The following PLXDC1 variants were observed in gnomAD, a reference collection of about 807,000 sequenced individuals.
PLXDC1 encodes the protein plexin domain-containing protein 1.
In PLXDC1, 39 loss-of-function variants were observed where a neutral mutation model predicts 61.3. The ratio of observed to expected loss-of-function variants is 0.64; its 90% CI spans 0.49 to 0.83. The LOEUF (loss-of-function observed/expected upper bound fraction) is 0.83. PLXDC1 is among the 40% of genes least tolerant of loss of function. PLXDC1 has a pLI of 0.00. For missense variants in PLXDC1, 596 were observed against 666.5 expected (o/e 0.89, Z 1.17); for synonymous variants, 212 against 254.5 (o/e 0.83, Z 1.59).
At chr17:39,087,420 G>A (rs550256094) in intron 8 of PLXDC1, among the ~76,000 whole-genome samples, 187 bp downstream of exon 8, 48 of 152,302 alleles carry the variant, frequency 3.2e-4, no homozygotes, top group African/African-American at 1.1e-3. Context: ...CTCCACCTAG[G>A]TGGTTCTCAC....
intron 13 of PLXDC1, among the ~76,000 whole-genome samples, chr17:39,068,643 C>G (rs1052103862): frequency 6.6e-6 from 1 of 152,212 alleles, no homozygotes; most frequent in Admixed American, 6.5e-5. Context: ...TGCCACTGTA[C>G]TCCAGCCTAG....
At chr17:39,101,738 G>GTCT (rs1910427008) in intron 7 of PLXDC1, among the ~76,000 whole-genome samples, 1 of 152,156 alleles carries the variant, frequency 6.6e-6, no homozygotes, top group African/African-American at 2.4e-5. Flanking sequence ...GTCCCAAGTA[G>GTCT]AAGCAGCAAA....
chr17:39,131,376 C>G (rs1911557358), intron 2 of PLXDC1, among the ~76,000 whole-genome samples: 1 of 150,378 alleles, frequency 6.6e-6, no homozygotes, highest in African/African-American at 2.5e-5. Flanking sequence ...TTTTAGGCGA[C>G]AGAATCTCGC....
intron 2 of PLXDC1, among the ~76,000 whole-genome samples, chr17:39,111,577 G>A (rs867531489): frequency 9.2e-5 from 14 of 152,254 alleles, no homozygotes; most frequent in African/African-American, 2.9e-4. Flanking sequence ...GAGCCACTGC[G>A]CCTAGCCAAA....
At position 39,069,725 on chromosome 17, in the gene PLXDC1, G is replaced by A. The variant is rs930511823; in HGVS notation, c.1383+131C>T. 4 of 700,188 alleles carry A rather than the reference G, an allele frequency of 5.7e-6. No individual in the cohort carries two copies. The Admixed American group carries it at 9.8e-5, about 17-fold the overall frequency. The allele number at this position is 700,188 out of a possible 1,614,324, so 43.4% of individuals were successfully genotyped here. ...GCGCCAGCCATCTCGAAATGTGCCAGGATGGGGTGGATGAAGTTTTCTCAG... is the reference window on the plus strand; with the variant it reads ...GCGCCAGCCATCTCGAAATGTGCCAAGATGGGGTGGATGAAGTTTTCTCAG... On this transcript the variant is annotated intron_variant, in intron 13 of 13. Transcript: ENST00000315392.
intron 2 of PLXDC1, chr17:39,131,611 C>T (rs1474631956): frequency 6.5e-6 from 1 of 152,744 alleles, no homozygotes; most frequent in African/African-American, 2.4e-5. Context: ...CCTTGGCCTC[C>T]CAAAGTGCTG....
At chr17:39,144,379 A>C (rs1313737890) in intron 1 of PLXDC1, among the ~76,000 whole-genome samples, 10 of 152,212 alleles carry the variant, frequency 6.6e-5, no homozygotes, top group African/African-American at 2.4e-4. Flanking sequence ...TAAAGAGTCC[A>C]TGAAAGAGGG....
intron 1 of PLXDC1, among the ~76,000 whole-genome samples, chr17:39,146,388 T>C (rs1366719749): frequency 6.6e-6 from 1 of 151,924 alleles, no homozygotes; most frequent in East Asian, 2.0e-4. Context: ...ATTTAAGAAT[T>C]GTTTAAGGCC....
At chr17:39,085,267 C>G (rs1306071866) in intron 8 of PLXDC1, among the ~76,000 whole-genome samples, 2 of 152,158 alleles carry the variant, frequency 1.3e-5, no homozygotes, top group South Asian at 4.1e-4. Context: ...GTGGGTGGCA[C>G]TGTGTCCTTT....
At chr17:39,080,586 T>G (rs562955399) in intron 9 of PLXDC1, 1 of 152,212 alleles carries the variant, frequency 6.6e-6, no homozygotes, top group Admixed American at 6.5e-5. Flanking sequence ...AGAGAGACCA[T>G]GTCAGCTGGC....
At chr17:39,115,768 A>C (rs1910946516) in intron 2 of PLXDC1, among the ~76,000 whole-genome samples, 1 of 152,118 alleles carries the variant, frequency 6.6e-6, no homozygotes, top group Non-Finnish European at 1.5e-5. Context: ...CAACCCTAGG[A>C]GGTGAGCACT....
chr17:39,090,407 A>T (rs914650344), intron 7 of PLXDC1, among the ~76,000 whole-genome samples: 6 of 152,186 alleles, frequency 3.9e-5, no homozygotes, highest in Non-Finnish European at 8.8e-5. Flanking sequence ...TGCTACCCAC[A>T]GGCCAGATGC....
chr17:39,084,368 T>C (rs1348526347), intron 8 of PLXDC1, among the ~76,000 whole-genome samples: 1 of 152,236 alleles, frequency 6.6e-6, no homozygotes, highest in African/African-American at 2.4e-5. Flanking sequence ...AACTGTGAGA[T>C]GATGGATATG....
intron 2 of PLXDC1, among the ~76,000 whole-genome samples, chr17:39,114,173 G>T (rs1263269666): frequency 6.6e-6 from 1 of 152,088 alleles, no homozygotes; most frequent in African/African-American, 2.4e-5. Flanking sequence ...ATGCTAGAGG[G>T]CTGCTTCTTA....
At position 39,065,011 on chromosome 17, in the gene PLXDC1, C is replaced by T. The variant is rs1260647706; in HGVS notation, c.*2829G>A. 3 of 152,198 alleles carry T rather than the reference C, an allele frequency of 2.0e-5. No homozygotes were observed. The highest frequency in any genetic ancestry group is 4.4e-5 in the Non-Finnish European group (3 of 68,050). The allele number at this position is 152,198 out of a possible 1,614,324, so 9.4% of individuals were successfully genotyped here. On this transcript the variant is annotated 3_prime_UTR_variant, in exon 14 of 14. Coordinates refer to ENST00000315392, the MANE Select transcript of PLXDC1 (RefSeq NM_020405.5). ...CTCATCTCACTCCCCAACTCTAGCA[C>T]ACGTTTTCCCACTGGGAGCTCGGCC...
In PLXDC1 at chr17:39,151,265, G is replaced by A; in HGVS notation, c.76+97C>T. 1.1e-6 allele frequency: 1 copy of A among 937,072 alleles called. No individual in the cohort carries two copies. The highest frequency in any genetic ancestry group is 1.4e-6 in the Non-Finnish European group (1 of 716,452). 58.0% of individuals were successfully genotyped at this position (937,072 alleles called of 1,614,324 possible). A position where few individuals can be genotyped will look rare whatever the true frequency, so the allele number is the denominator to read the frequency against. Reference sequence around the variant, plus strand: ...CTCCTGCGGACAATGCCCCCCTCGCGGACATCGCCAGGCCGTCCACACCTG... The same window carrying A: ...CTCCTGCGGACAATGCCCCCCTCGCAGACATCGCCAGGCCGTCCACACCTG... On this transcript the variant is annotated intron_variant, in intron 1 of 13. Coordinates refer to ENST00000315392, the MANE Select transcript of PLXDC1 (RefSeq NM_020405.5). This position sits in a 1 kb window ranked among gnomAD's most constrained non-coding sequence, Gnocchi z 5.2.
At chr17:39,078,125 G>T (rs1598185595) in intron 10 of PLXDC1, 77 bp from the exon 11 acceptor site, 1 of 1,388,980 alleles carries the variant, frequency 7.2e-7, no homozygotes, top group Non-Finnish European at 9.7e-7. Context: ...TTCTCTTACA[G>T]GGCAATTTAT....
At chr17:39,145,808 C>A (rs2045337771) in intron 1 of PLXDC1, among the ~76,000 whole-genome samples, 1 of 152,194 alleles carries the variant, frequency 6.6e-6, no homozygotes, top group Non-Finnish European at 1.5e-5. Context: ...CACCTACTAA[C>A]TACAACATTG....
intron 4 of PLXDC1, 142 bp from the exon 5 acceptor site, chr17:39,108,387 G>A (rs968433642): frequency 5.6e-5 from 48 of 849,926 alleles, no homozygotes; most frequent in Non-Finnish European, 8.5e-5. Flanking sequence ...CCCATCTGGC[G>A]GGCTCTGGGT....
Sources: allele counts gnomAD v4.1 joint callset (sites outside exome capture counted in the v4.1 genomes callset), GRCh38; gene constraint gnomAD v4.1.1; non-coding constraint Gnocchi (gnomAD v3.1); transcripts MANE v1.5; gene names NCBI Gene and HGNC (gene_info 2026-07-23, HGNC 2026-07-21).